ARID5A: variants seen among roughly 807,000 people sequenced by gnomAD.
ARID5A encodes AT-rich interactive domain-containing protein 5A.
In ARID5A, 14 loss-of-function variants were observed where a neutral mutation model predicts 30.5. The observed-to-expected ratio is 0.46, with a 90% confidence interval of 0.30 to 0.72. The LOEUF (loss-of-function observed/expected upper bound fraction) is 0.72, where lower values mean the gene tolerates loss of function less well. ARID5A is among the 30% of genes least tolerant of loss of function. The pLI is 0.07. For missense variants in ARID5A, 669 were observed against 786.2 expected, an observed-to-expected ratio of 0.85 and a Z score of 1.78; for synonymous variants, 338 against 340.4, an observed-to-expected ratio of 0.99 and a Z score of 0.08.
At chr2:96,547,192 C>T (rs1432687179) in intron 1 of ARID5A, among the ~76,000 whole-genome samples, 7 of 151,322 alleles carry the variant, frequency 4.6e-5, no homozygotes, top group Non-Finnish European at 1.0e-4. Flanking sequence ...GGTCTCACTA[C>T]GTTGCCCAGA....
Position 96,550,072 on chromosome 2 carries a change from C to T in ARID5A, c.313-116C>T, listed in dbSNP as rs2066000373. 7.2e-6 allele frequency: 11 copies of T among 1,532,228 alleles called. No homozygotes were observed. The highest frequency in any genetic ancestry group is 2.5e-5 in the East Asian group (1 of 40,770). 94.9% of individuals were successfully genotyped at this position (1,532,228 alleles called of 1,614,324 possible). On this transcript the variant is annotated intron_variant, in intron 4 of 6. Coordinates refer to ENST00000357485, the MANE Select transcript of ARID5A (RefSeq NM_212481.3). The surrounding 1 kb of genome is among the most constrained non-coding windows in gnomAD (Gnocchi z 6.6). ...AGAATCGGCTGGCCGCTGCTGGAGC[C>T]GCAGAGCAGCTGCCAAACTGCAGTC...
intron 1 of ARID5A, chr2:96,538,317 G>A (rs1004983119): frequency 1.4e-4 from 135 of 985,570 alleles, no homozygotes; most frequent in Middle Eastern, 5.2e-4. Context: ...ACATCCCAGA[G>A]CCCGGTAAGA....
At chr2:96,547,333 C>T (rs2065946386) in intron 1 of ARID5A, 69 bp from the exon 2 acceptor site, 7 of 1,351,344 alleles carry the variant, frequency 5.2e-6, no homozygotes, top group African/African-American at 1.4e-5. Flanking sequence ...GCTCCTGTTC[C>T]TCCCTGCTTG....
intron 1 of ARID5A, among the ~76,000 whole-genome samples, chr2:96,546,121 C>G (rs2065923585): frequency 6.6e-6 from 1 of 152,174 alleles, no homozygotes; most frequent in Non-Finnish European, 1.5e-5. Context: ...CACTCAGTGG[C>G]CAAGGATTCT....
In ARID5A at chr2:96,549,413, G is replaced by A. The variant is rs1359194295; in HGVS notation, c.213G>A (p.Glu71=). ...FLVSLYKFMK[E]RHTPIERVPH... ...TCAGCCTCTACAAGTTCATGAAGGA[G>A]CGACACACGCCCATCGAGAGGGTGC... Residue 71 remains glutamate (E), a synonymous_variant, in exon 3 of 7, where the codon GAG becomes GAA. Transcript: ENST00000357485. The surrounding 1 kb of genome is among the most constrained non-coding windows in gnomAD (Gnocchi z 6.1). 4 of 1,613,858 alleles carry A rather than the reference G, an allele frequency of 2.5e-6. No individual in the cohort carries two copies. Among genetic ancestry groups the A allele is most frequent in the Admixed American group, 1.7e-5 (1 of 59,996 alleles).
Position 96,552,006 on chromosome 2 carries a change from G to A in ARID5A, c.1478G>A (p.Gly493Glu). 1 of 1,523,320 alleles carries A rather than the reference G, an allele frequency of 6.6e-7. No individual in the cohort carries two copies. The highest frequency in any genetic ancestry group is 8.8e-7 in the Non-Finnish European group (1 of 1,136,540). 94.4% of individuals were successfully genotyped at this position (1,523,320 alleles called of 1,614,324 possible). The stretch of plus-strand genomic sequence containing the variant: ...TCCTGCCTTCTGGGCCCAGCCCTGG[G>A]GCCTGTGCCCCCAGAGGCCTACAGG... ...LVSCLLGPAL[G>E]PVPPEAYRGT... Residue 493 changes from glycine (G) to glutamate (E), a missense_variant, in exon 7 of 7, where the codon GGG (glycine) becomes GAG (glutamate). By Grantham distance (98) the Gly-to-Glu change is moderately conservative. Transcript: ENST00000357485.
chr2:96,549,451 T>C lies in ARID5A; in HGVS notation c.251T>C (p.Phe84Ser), dbSNP rs1264150725. The change falls in exon 3 of 7, where the codon TTC becomes TCC. Residue 84 changes from phenylalanine to serine, a missense_variant. Around this residue, in one of 4 missense-constraint regions of ARID5A, gnomAD observed 64 missense variants for 119.7 expected, o/e 0.53. Coordinates refer to ENST00000357485, the MANE Select transcript of ARID5A (RefSeq NM_212481.3). The surrounding 1 kb of genome is among the most constrained non-coding windows in gnomAD (Gnocchi z 6.1). ...ATCGAGAGGGTGCCCCATCTCGGCT[T>C]CAAGCAGAGTGCGTCCCTGGGGTGC... ...TPIERVPHLG[F>S]KQINLWKIYK... 6.2e-7 allele frequency: 1 copy of C among 1,612,714 alleles called. No individual in the cohort carries two copies.
chr2:96,552,355 C>T lies in ARID5A; in HGVS notation c.*42C>T, dbSNP rs781538570. On this transcript the variant is annotated 3_prime_UTR_variant, in exon 7 of 7. Transcript: ENST00000357485. ...GTGTACACTGTGGAGTCGACAGGGG[C>T]CTACAACAGGCAGGTACTGCTGCCA... 6.2e-7 allele frequency: 1 copy of T among 1,612,252 alleles called. No homozygotes were observed. Among genetic ancestry groups the T allele is most frequent in the South Asian group, 1.1e-5 (1 of 90,992 alleles).
At chr2:96,538,359 A>G (rs2065781730) in intron 1 of ARID5A, 2 of 983,128 alleles carry the variant, frequency 2.0e-6, no homozygotes, top group Non-Finnish European at 2.4e-6. Flanking sequence ...GGAAGTTGGT[A>G]GCCTCACATT....
At position 96,551,260 on chromosome 2, in the gene ARID5A, C is replaced by T; in HGVS notation, c.732C>T (p.Ser244=). 3.1e-6 allele frequency: 5 copies of T among 1,613,946 alleles called. No individual in the cohort carries two copies. Among genetic ancestry groups the T allele is most frequent in the Non-Finnish European group, 4.2e-6 (5 of 1,180,014 alleles). The change falls in exon 7 of 7, where the codon TCC becomes TCT. Residue 244 remains serine, a synonymous_variant. Transcript: ENST00000357485. ...GCPEAYKRLL[S]SFYCKGTHGI... ...CTGAGGCCTACAAGCGGCTCCTATC[C>T]AGCTTCTACTGCAAGGGGACACACG...
Position 96,551,095 on chromosome 2 carries a change from C to T in ARID5A, c.571-4C>T, listed in dbSNP as rs141580378. On this transcript the variant is annotated splice_region_variant and splice_polypyrimidine_tract_variant and intron_variant, in intron 6 of 6. Transcript: ENST00000357485. ...TCCTGAGGCAAGACTTTCTCTCATT[C>T]CAGATGATGCCAGGAAAGACCAAAG... 8 of 1,605,886 alleles carry T rather than the reference C, an allele frequency of 5.0e-6. No homozygotes were observed. The African/African-American group carries it at 6.7e-5, about 13-fold the overall frequency.
At chr2:96,544,583 G>A (rs2065895646) in intron 1 of ARID5A, among the ~76,000 whole-genome samples, 2 of 152,210 alleles carry the variant, frequency 1.3e-5, no homozygotes, top group African/African-American at 4.8e-5. Flanking sequence ...TAAGCCAACT[G>A]TTGAGACCTA....
Position 96,536,801 on chromosome 2 carries a change from C to A in ARID5A, c.-26C>A. The A allele has an allele frequency of 8.4e-7, 1 of 1,183,496 alleles. No individual in the cohort carries two copies. The highest frequency in any genetic ancestry group is 1.0e-6 in the Non-Finnish European group (1 of 960,470). The allele number at this position is 1,183,496 out of a possible 1,614,324, so 73.3% of individuals were successfully genotyped here. On this transcript the variant is annotated 5_prime_UTR_variant, in exon 1 of 7. Coordinates refer to ENST00000357485, the MANE Select transcript of ARID5A (RefSeq NM_212481.3). ...CAGCCGCGCGCTGAGGGTCTCGGGGCGGGCGCCGCGGGACCTCTCCGGGCC... is the reference window on the plus strand; with the variant it reads ...CAGCCGCGCGCTGAGGGTCTCGGGGAGGGCGCCGCGGGACCTCTCCGGGCC...
chr2:96,552,285 A>G lies in ARID5A; in HGVS notation c.1757A>G (p.His586Arg). The G allele has an allele frequency of 6.2e-7, 1 of 1,613,024 alleles. No individual in the cohort carries two copies. Among genetic ancestry groups the G allele is most frequent in the African/African-American group, 1.3e-5 (1 of 75,032 alleles). ...APPVTTYAAP[H>R]FFHLNTKL is the part of the protein sequence containing the mutation. ...CCAGTCACAACCTATGCAGCGCCCC[A>G]CTTCTTCCACCTCAACACCAAGCTG... is the stretch of plus-strand genomic sequence containing the variant. The change falls in exon 7 of 7, where the codon CAC becomes CGC. Residue 586 changes from histidine to arginine, a missense_variant. Physicochemically the swap from His to Arg is conservative, Grantham distance 29. Transcript: ENST00000357485.
Position 96,549,094 on chromosome 2 carries a change from C to T in ARID5A, c.121-227C>T, listed in dbSNP as rs377326613. Among the ~76,000 whole-genome samples the T allele has an allele frequency of 1.3e-4, 20 of 152,298 alleles. No homozygotes were observed. The South Asian group carries it at 4.1e-3, about 32-fold the overall frequency. On this transcript the variant is annotated intron_variant, in intron 2 of 6. Transcript: ENST00000357485. The surrounding 1 kb of genome is among the most constrained non-coding windows in gnomAD (Gnocchi z 6.1). The stretch of plus-strand genomic sequence containing the variant: ...CAGCTGCTCTGGGGTACCCAGCCTC[C>T]GGGGAGGTCCTGGACTCTAGCTCCT...
At chr2:96,548,003 A>G (rs1275674559) in intron 2 of ARID5A, among the ~76,000 whole-genome samples, 1 of 152,164 alleles carries the variant, frequency 6.6e-6, no homozygotes, top group Non-Finnish European at 1.5e-5. Context: ...GTGGTTGCAA[A>G]TGGTAGTTGT....
At position 96,549,067 on chromosome 2, in the gene ARID5A, G is replaced by GCCAGCTGCTCTGGGGTAC. The variant is rs1199735928; in HGVS notation, c.121-248_121-231dup. Among the ~76,000 whole-genome samples the GCCAGCTGCTCTGGGGTAC allele has an allele frequency of 2.0e-5, 3 of 152,190 alleles. No homozygotes were observed. The highest frequency in any genetic ancestry group is 7.2e-5 in the African/African-American group (3 of 41,452). ...GACTGCTCTCGTGGCAGCCTCTGGA[G>GCCAGCTGCTCTGGGGTAC]CCAGCTGCTCTGGGGTACCCAGCCT... On this transcript the variant is annotated intron_variant, in intron 2 of 6. Coordinates refer to ENST00000357485, the MANE Select transcript of ARID5A (RefSeq NM_212481.3). The surrounding 1 kb of genome is among the most constrained non-coding windows in gnomAD (Gnocchi z 6.1).
rs1356803099 is a variant in ARID5A, at chr2:96,550,777, G to A, written c.570+44G>A. The stretch of plus-strand genomic sequence containing the variant: ...GGGGCCACCCTGTCCCTTGCCTCTT[G>A]TAGCCCCCTACCCCACAACTCCCTG... On this transcript the variant is annotated intron_variant, in intron 6 of 6. Transcript: ENST00000357485. The surrounding 1 kb of genome is among the most constrained non-coding windows in gnomAD (Gnocchi z 6.6). 1 of 1,505,942 alleles carries A rather than the reference G, an allele frequency of 6.6e-7. No individual in the cohort carries two copies. The highest frequency in any genetic ancestry group is 8.9e-7 in the Non-Finnish European group (1 of 1,124,602). 93.3% of individuals were successfully genotyped at this position (1,505,942 alleles called of 1,614,324 possible).
At chr2:96,542,082 G>A (rs891301937) in intron 1 of ARID5A, among the ~76,000 whole-genome samples, 2 of 152,190 alleles carry the variant, frequency 1.3e-5, no homozygotes, top group East Asian at 1.9e-4. Context: ...CTATGGCAGC[G>A]GGTTTCAAGC....
Sources: allele counts gnomAD v4.1 joint callset (sites outside exome capture counted in the v4.1 genomes callset), GRCh38; gene constraint gnomAD v4.1.1; regional missense constraint gnomAD v4.1.1; non-coding constraint Gnocchi (gnomAD v3.1); transcripts MANE v1.5; gene names NCBI Gene and HGNC (gene_info 2026-07-23, HGNC 2026-07-21).